The following NCAM2 variants were observed in gnomAD, a reference collection of about 807,000 sequenced individuals.
The protein encoded by NCAM2 is N-CAM-2.
In NCAM2, 30 loss-of-function variants were observed where a neutral mutation model predicts 98.1. The observed-to-expected ratio is 0.31, with a 90% CI of 0.23 to 0.41. The LOEUF (loss-of-function observed/expected upper bound fraction) is 0.41, where lower values mean the gene tolerates loss of function less well. NCAM2 is among the 10% of genes least tolerant of loss of function. NCAM2 has a pLI of 1.00. For synonymous variants in NCAM2, 368 were observed against 342.4 expected (o/e 1.07, Z -0.83); for missense variants, 867 against 1,005.8 (o/e 0.86, Z 1.87).
chr21:21,455,702 C>T (rs891436913), intron 12 of NCAM2, among the ~76,000 whole-genome samples: 1 of 151,732 alleles, frequency 6.6e-6, no homozygotes, highest in East Asian at 1.9e-4. Context: ...GTGAAAATCT[C>T]GGCAAACCAT....
intron 15 of NCAM2, among the ~76,000 whole-genome samples, chr21:21,484,091 T>C (rs1986132681): frequency 6.6e-6 from 1 of 152,116 alleles, no homozygotes; most frequent in African/African-American, 2.4e-5. Flanking sequence ...TGGTGACTTT[T>C]CCCTTGTAAT....
At chr21:21,028,876 A>G (rs941208515) in intron 1 of NCAM2, among the ~76,000 whole-genome samples, 2 of 152,238 alleles carry the variant, frequency 1.3e-5, no homozygotes, top group African/African-American at 4.8e-5. Flanking sequence ...ATATTATAAT[A>G]AACATTTAAA....
chr21:21,182,142 C>A (rs1176325906), intron 1 of NCAM2, among the ~76,000 whole-genome samples: 1 of 151,878 alleles, frequency 6.6e-6, no homozygotes, highest in Non-Finnish European at 1.5e-5. Context: ...ATGAATTGAT[C>A]ATTTTTTAGG....
intron 1 of NCAM2, among the ~76,000 whole-genome samples, chr21:21,183,856 C>T (rs1019050341): frequency 3.3e-5 from 5 of 151,056 alleles, no homozygotes; most frequent in Middle Eastern, 3.4e-3. Context: ...GGAAAAATAA[C>T]GAAAAAAAAA....
chr21:21,233,082 G>T (rs556377380), intron 1 of NCAM2, among the ~76,000 whole-genome samples: 2 of 151,472 alleles, frequency 1.3e-5, no homozygotes, highest in Admixed American at 6.6e-5. Context: ...GTAGTTTTGG[G>T]TTTTTTTCTG....
At chr21:21,388,210 A>G (rs567838709) in intron 9 of NCAM2, among the ~76,000 whole-genome samples, 2 of 152,230 alleles carry the variant, frequency 1.3e-5, no homozygotes, top group Non-Finnish European at 2.9e-5. Flanking sequence ...CAAAAATGTC[A>G]TGTGGCTAAG....
intron 5 of NCAM2, among the ~76,000 whole-genome samples, chr21:21,320,045 G>A (rs1037291348): frequency 1.3e-5 from 2 of 152,098 alleles, no homozygotes; most frequent in African/African-American, 4.8e-5. Flanking sequence ...ACTATATAAA[G>A]CCTTTACTGT....
intron 5 of NCAM2, among the ~76,000 whole-genome samples, chr21:21,315,825 A>G (rs1160941751): frequency 1.3e-5 from 2 of 152,190 alleles, no homozygotes; most frequent in African/African-American, 4.8e-5. Flanking sequence ...TTTACTTTTA[A>G]GAGTCTTCAA....
rs559905296 is a variant in NCAM2, at chr21:21,464,608, C to T, written c.1655-1998C>T. 2.0e-5 allele frequency among the ~76,000 whole-genome samples: 3 copies of T among 152,138 alleles called. No homozygotes were observed. The South Asian group carries it at 6.2e-4, about 32-fold the overall frequency. On this transcript the variant is annotated intron_variant, in intron 12 of 17. Transcript: ENST00000400546. ...AATGGAACAAAAGGAAGCATCAAAA[C>T]AAATTCATGTTATGCTGACTTTCAG...
intron 1 of NCAM2, among the ~76,000 whole-genome samples, chr21:21,219,503 A>G (rs1050715204): frequency 3.9e-5 from 6 of 152,242 alleles, no homozygotes; most frequent in Non-Finnish European, 8.8e-5. Context: ...ACTTTATTAC[A>G]TCATGGTGAA....
intron 1 of NCAM2, among the ~76,000 whole-genome samples, chr21:21,136,460 ATC>A (rs1320622920): frequency 7.9e-6 from 1 of 126,156 alleles, no homozygotes; most frequent in Non-Finnish European, 1.7e-5. Context: ...TACTCAATTT[ATC>A]TCTTTTTTTT....
intron 1 of NCAM2, among the ~76,000 whole-genome samples, chr21:21,106,074 A>T (rs1453789966): frequency 6.6e-6 from 1 of 152,032 alleles, no homozygotes; most frequent in Non-Finnish European, 1.5e-5. Flanking sequence ...TATTTACCAA[A>T]AAAAGGACAG....
chr21:21,392,435 A>G (rs2076401436), intron 9 of NCAM2, among the ~76,000 whole-genome samples: 1 of 152,208 alleles, frequency 6.6e-6, no homozygotes. Flanking sequence ...TCTTTATACT[A>G]GAATGATTTA....
intron 16 of NCAM2, among the ~76,000 whole-genome samples, chr21:21,513,283 T>G (rs1296870776): frequency 1.3e-5 from 2 of 152,116 alleles, no homozygotes; most frequent in East Asian, 1.9e-4. Flanking sequence ...AGATGCATTG[T>G]AAGGTTATTT....
chr21:21,172,736 A>G (rs1483734735), intron 1 of NCAM2, among the ~76,000 whole-genome samples: 1 of 152,164 alleles, frequency 6.6e-6, no homozygotes, highest in Admixed American at 6.5e-5. Flanking sequence ...AATATATGAC[A>G]TTTAAAATAT....
In NCAM2 at chr21:21,487,583, T is replaced by C. The variant is rs139410284; in HGVS notation, c.2077+10112T>C. On this transcript the variant is annotated intron_variant, in intron 15 of 17. Coordinates refer to ENST00000400546, the MANE Select transcript of NCAM2 (RefSeq NM_004540.5). ...ATTGTTTTGACCGTATTACCAGTTA[T>C]GAAGCTAGATTGATTTACTTATGCA... 1.1e-4 allele frequency among the ~76,000 whole-genome samples: 16 copies of C among 152,268 alleles called. No individual in the cohort carries two copies. The East Asian group carries it at 2.9e-3, about 28-fold the overall frequency.
chr21:21,185,166 C>A (rs530080068), intron 1 of NCAM2, among the ~76,000 whole-genome samples: 2 of 152,080 alleles, frequency 1.3e-5, no homozygotes, highest in Non-Finnish European at 2.9e-5. Flanking sequence ...TTACAAAAAC[C>A]GATATTCACT....
intron 5 of NCAM2, among the ~76,000 whole-genome samples, chr21:21,323,640 A>G (rs2074434528): frequency 6.6e-6 from 1 of 152,176 alleles, no homozygotes; most frequent in Non-Finnish European, 1.5e-5. Context: ...CAAACAGTGC[A>G]TTTCAGTAAC....
intron 1 of NCAM2, among the ~76,000 whole-genome samples, chr21:21,241,962 A>G (rs867774955): frequency 5.9e-5 from 9 of 152,166 alleles, no homozygotes; most frequent in South Asian, 2.1e-4. Context: ...ACTAATAATC[A>G]AGTAAAAATT....
Sources: gnomAD v4.1 joint callset for allele counts (sites outside exome capture counted in the v4.1 genomes callset) on GRCh38, gnomAD v4.1.1 for gene constraint, MANE v1.5 for transcripts, NCBI Gene and HGNC (gene_info 2026-07-23, HGNC 2026-07-21) for gene names.